The following NRXN1 variants were observed in gnomAD, a reference collection of about 807,000 sequenced individuals.
NRXN1 encodes neurexin-1.
Under a neutral mutation model 150.9 loss-of-function variants are expected in NRXN1, and 39 were observed. That is an observed-to-expected ratio of 0.26 (90% CI 0.20 to 0.34). NRXN1 has a LOEUF of 0.34. Ranked by LOEUF, NRXN1 falls within the 10% of genes least tolerant of loss-of-function variation. The pLI is 1.00. For synonymous variants in NRXN1, 924 were observed against 757.0 expected, an observed-to-expected ratio of 1.22 and a Z score of -3.62; for missense variants, 1,815 against 1,949.9, an observed-to-expected ratio of 0.93 and a Z score of 1.30.
intron 5 of NRXN1, among the ~76,000 whole-genome samples, chr2:50,648,480 A>G (rs1685132950): frequency 6.6e-6 from 1 of 152,018 alleles, no homozygotes; most frequent in African/African-American, 2.4e-5. Flanking sequence ...GATAAAGATC[A>G]TTTATCATAG....
chr2:50,964,045 A>G, intron 2 of NRXN1: 4 of 408,248 alleles, frequency 9.8e-6, no homozygotes, highest in Non-Finnish European at 1.9e-5. Context: ...ACTATGCAGA[A>G]GAATATGAAA....
chr2:50,696,685 A>C (rs973240008), intron 5 of NRXN1, among the ~76,000 whole-genome samples: 1 of 152,172 alleles, frequency 6.6e-6, no homozygotes, highest in Non-Finnish European at 1.5e-5. Flanking sequence ...AAACCAAAGC[A>C]TGAATTTTCG....
chr2:50,887,833 T>G (rs371792916), intron 5 of NRXN1, among the ~76,000 whole-genome samples: 68 of 151,560 alleles, frequency 4.5e-4, no homozygotes, highest in African/African-American at 1.6e-3. Context: ...TAATCATGCT[T>G]TTTACTTTAA....
At chr2:50,391,728 G>A (rs1011788307) in intron 17 of NRXN1, among the ~76,000 whole-genome samples, 3 of 152,054 alleles carry the variant, frequency 2.0e-5, no homozygotes, top group Non-Finnish European at 4.4e-5. Context: ...CTCTCTGTTG[G>A]TTACAAAGCT....
chr2:50,343,975 G>A (rs74664838), intron 17 of NRXN1, among the ~76,000 whole-genome samples: 48 of 152,224 alleles, frequency 3.2e-4, no homozygotes, highest in Non-Finnish European at 6.6e-4. Context: ...ATTTTCACTT[G>A]TCTTGACTTT....
At chr2:50,408,044 A>G (rs2082880717) in intron 17 of NRXN1, among the ~76,000 whole-genome samples, 1 of 152,118 alleles carries the variant, frequency 6.6e-6, no homozygotes, top group Admixed American at 6.5e-5. Flanking sequence ...TGTCCTTCCA[A>G]TATTTATTCA....
At chr2:50,259,642 T>G (rs1461956924) in intron 17 of NRXN1, among the ~76,000 whole-genome samples, 1 of 151,878 alleles carries the variant, frequency 6.6e-6, no homozygotes, top group Non-Finnish European at 1.5e-5. Flanking sequence ...TCTTTTAAAA[T>G]ATTCTCCAAA....
At chr2:49,998,899 T>C (rs557740924) in intron 21 of NRXN1, among the ~76,000 whole-genome samples, 11 of 152,240 alleles carry the variant, frequency 7.2e-5, no homozygotes, top group Admixed American at 3.3e-4. Flanking sequence ...CTACTGTCGT[T>C]GTAGTCAGTC....
chr2:50,961,133 T>G (rs193191366), intron 2 of NRXN1, among the ~76,000 whole-genome samples: 4 of 152,034 alleles, frequency 2.6e-5, no homozygotes, highest in African/African-American at 4.8e-5. Context: ...GAGAAATAAT[T>G]ATTTATTCCC....
At chr2:50,948,270 T>C (rs543073801) in intron 2 of NRXN1, among the ~76,000 whole-genome samples, 1 of 152,150 alleles carries the variant, frequency 6.6e-6, no homozygotes, top group Non-Finnish European at 1.5e-5. Context: ...TTATATATTA[T>C]GGCAAAATTA....
At position 50,522,727 on chromosome 2, in the gene NRXN1, T is replaced by C. The variant is rs1405421076; in HGVS notation, c.2374+5898A>G. Among the ~76,000 whole-genome samples the C allele has an allele frequency of 5.0e-3, 321 of 64,232 alleles. 46 individuals carry two copies. In the South Asian group the frequency reaches 0.05, roughly 10 times the overall value. 42.1% of individuals were successfully genotyped at this position (64,232 alleles called of 152,430 possible). A position where few individuals can be genotyped will look rare whatever the true frequency, so the allele number is the denominator to read the frequency against. ...ATTCATTTATTTTTATTCATTTTTTTTTTTTTTTTTTTTTTTTTTTTTTGA... is the reference window on the plus strand; with the variant it reads ...ATTCATTTATTTTTATTCATTTTTTCTTTTTTTTTTTTTTTTTTTTTTTGA... On this transcript the variant is annotated intron_variant, in intron 12 of 22. Coordinates refer to ENST00000401669, the MANE Select transcript of NRXN1 (RefSeq NM_001330078.2).
At chr2:50,319,787 T>C (rs2075878968) in intron 17 of NRXN1, among the ~76,000 whole-genome samples, 1 of 152,018 alleles carries the variant, frequency 6.6e-6, no homozygotes, top group African/African-American at 2.4e-5. Flanking sequence ...AAGAAGCTGT[T>C]TTCTGCTCTA....
chr2:50,832,713 C>G (rs1671584741), intron 5 of NRXN1, among the ~76,000 whole-genome samples: 1 of 152,080 alleles, frequency 6.6e-6, no homozygotes, highest in African/African-American at 2.4e-5. Flanking sequence ...AAAGTTGGAG[C>G]TCAATGCAGA....
chr2:50,374,806 A>T (rs2080363617), intron 17 of NRXN1, among the ~76,000 whole-genome samples: 1 of 152,204 alleles, frequency 6.6e-6, no homozygotes, highest in South Asian at 2.1e-4. Flanking sequence ...GTGGATTTCA[A>T]ATAATTCCAG....
intron 5 of NRXN1, among the ~76,000 whole-genome samples, chr2:50,805,887 C>G (rs1438201413): frequency 6.6e-6 from 1 of 152,070 alleles, no homozygotes; most frequent in Non-Finnish European, 1.5e-5. Flanking sequence ...CTTCCTTAGT[C>G]TCCAGGCTTT....
rs70948706 is a variant in NRXN1, at chr2:50,373,690, G to GGAAAGAAA, written c.3364+91744_3364+91751dup. Among the ~76,000 whole-genome samples the GGAAAGAAA allele has an allele frequency of 1.6e-3, 151 of 91,726 alleles. 6 individuals carry two copies. The highest frequency in any genetic ancestry group is 7.1e-3 in the African/African-American group (145 of 20,366). The allele number at this position is 91,726 out of a possible 152,430, so 60.2% of individuals were successfully genotyped here. On this transcript the variant is annotated intron_variant, in intron 17 of 22. Coordinates refer to ENST00000401669, the MANE Select transcript of NRXN1 (RefSeq NM_001330078.2). Reference sequence around the variant, plus strand: ...AGAAAGAAAGAAAGAAAAGAAAGAAGGAAAGAAAGAAAGAAAGAAAGAGAA... The same window carrying GGAAAGAAA: ...AGAAAGAAAGAAAGAAAAGAAAGAAGGAAAGAAAGAAAGAAAGAAAGAAAGAAAGAGAA...
intron 22 of NRXN1, among the ~76,000 whole-genome samples, chr2:49,934,215 C>G (rs772250531): frequency 3.9e-5 from 6 of 152,262 alleles, no homozygotes; most frequent in South Asian, 2.1e-4. Context: ...TTGGTAAAAA[C>G]TCCTTTGATT....
intron 18 of NRXN1, among the ~76,000 whole-genome samples, chr2:50,154,332 G>T (rs532363470): frequency 6.6e-6 from 1 of 151,662 alleles, no homozygotes; most frequent in African/African-American, 2.4e-5. Context: ...ACTTATTCAT[G>T]TAACCAAATA....
rs147189437 is a variant in NRXN1, at chr2:50,539,053, T to C, written c.1760-417A>G. Among the ~76,000 whole-genome samples the C allele has an allele frequency of 8.3e-4, 127 of 152,314 alleles. 1 individual carries two copies. The East Asian group carries it at 0.021, about 25-fold the overall frequency. ...TGCAATCCAAAGAAAGATTTCATGT[T>C]CCTATTTTAACTGACTTGATTACTT... On this transcript the variant is annotated intron_variant, in intron 9 of 22. Transcript: ENST00000401669.
Sources: allele counts gnomAD v4.1 joint callset (sites outside exome capture counted in the v4.1 genomes callset), GRCh38; gene constraint gnomAD v4.1.1; transcripts MANE v1.5; gene names NCBI Gene and HGNC (gene_info 2026-07-23, HGNC 2026-07-21).